The following SEM1 variants were observed in gnomAD, a reference collection of about 807,000 sequenced individuals.
The protein encoded by SEM1 is SEM1 26S proteasome subunit.
SEM1 carries 3 observed loss-of-function variants against 12.7 expected under a neutral mutation model. The ratio of observed to expected loss-of-function variants is 0.24; its 90% CI spans 0.11 to 0.61. The LOEUF is 0.61. SEM1 is among the 20% of genes least tolerant of loss of function. The pLI is 0.88. For synonymous variants in SEM1, 30 were observed against 27.8 expected, an observed-to-expected ratio of 1.08 and a Z score of -0.25; for missense variants, 59 against 81.3, an observed-to-expected ratio of 0.73 and a Z score of 1.06.
intron 1 of SEM1, 83 bp from the exon 2 acceptor site, chr7:96,694,974 A>T (rs1406416428): frequency 1.1e-6 from 1 of 940,996 alleles, no homozygotes; most frequent in African/African-American, 1.6e-5. Flanking sequence ...CTTGCTACTG[A>T]ACACTCACAA....
intron 2 of SEM1, among the ~76,000 whole-genome samples, chr7:96,657,754 GCA>G (rs1379743335): frequency 6.6e-6 from 1 of 152,238 alleles, no homozygotes. Flanking sequence ...TTCTTTAGTG[GCA>G]CAGAGTGTGT....
intron 2 of SEM1, among the ~76,000 whole-genome samples, chr7:96,616,540 C>T (rs1475756114): frequency 6.6e-6 from 1 of 152,016 alleles, no homozygotes; most frequent in Non-Finnish European, 1.5e-5. Flanking sequence ...TGTGAAGAAG[C>T]TTTTTAGTTT....
intron 2 of SEM1, among the ~76,000 whole-genome samples, chr7:96,657,892 C>T (rs1303848536): frequency 2.0e-5 from 3 of 152,042 alleles, no homozygotes; most frequent in African/African-American, 4.8e-5. Flanking sequence ...TGGGGAGGCC[C>T]GAGGAGCCAC....
intron 2 of SEM1, among the ~76,000 whole-genome samples, chr7:96,536,052 G>A (rs758210051): frequency 6.6e-6 from 1 of 151,768 alleles, no homozygotes; most frequent in Non-Finnish European, 1.5e-5. Flanking sequence ...TTCCACAATG[G>A]TTGAAATAAT....
chr7:96,520,087 T>C (rs1028085492), intron 2 of SEM1, among the ~76,000 whole-genome samples: 1 of 152,108 alleles, frequency 6.6e-6, no homozygotes, highest in Non-Finnish European at 1.5e-5. Context: ...ACAAGAAAGA[T>C]GTTATAATCA....
chr7:96,536,817 G>A (rs1288823990), intron 2 of SEM1, among the ~76,000 whole-genome samples: 1 of 151,622 alleles, frequency 6.6e-6, no homozygotes, highest in Non-Finnish European at 1.5e-5. Flanking sequence ...TATATTTAAA[G>A]TGTATTTCTC....
downstream of SEM1, among the ~76,000 whole-genome samples, chr7:96,687,642 G>T: frequency 6.6e-6 from 1 of 151,746 alleles, no homozygotes; most frequent in East Asian, 1.9e-4. Flanking sequence ...GTGGGGTGGG[G>T]AGAGGGGGGA....
chr7:96,520,138 A>G (rs769408883), intron 2 of SEM1, among the ~76,000 whole-genome samples: 2 of 152,188 alleles, frequency 1.3e-5, no homozygotes, highest in Non-Finnish European at 2.9e-5. Context: ...GATCATACAT[A>G]CATACATACA....
intron 2 of SEM1, among the ~76,000 whole-genome samples, chr7:96,589,481 C>CA (rs1219948314): frequency 6.6e-6 from 1 of 152,084 alleles, no homozygotes; most frequent in Non-Finnish European, 1.5e-5. Context: ...CAGGATGAAC[C>CA]ATTTTCAAAG....
At chr7:96,614,940 C>A (rs1807663995) in intron 2 of SEM1, among the ~76,000 whole-genome samples, 1 of 152,132 alleles carries the variant, frequency 6.6e-6, no homozygotes, top group South Asian at 2.1e-4. Flanking sequence ...TTCTTATGAG[C>A]CTCTATCAAT....
chr7:96,612,535 A>T (rs918508517), intron 2 of SEM1, among the ~76,000 whole-genome samples: 1 of 152,214 alleles, frequency 6.6e-6, no homozygotes, highest in African/African-American at 2.4e-5. Flanking sequence ...GTAATTAAAA[A>T]ATTGCAAACC....
intron 2 of SEM1, among the ~76,000 whole-genome samples, chr7:96,528,690 A>G (rs1804544675): frequency 1.3e-5 from 2 of 152,132 alleles, no homozygotes; most frequent in Non-Finnish European, 2.9e-5. Context: ...CAGCATTCAT[A>G]TCACCTGGGA....
intron 1 of SEM1, among the ~76,000 whole-genome samples, chr7:96,491,348 C>G (rs1201238809): frequency 1.3e-5 from 2 of 152,156 alleles, no homozygotes; most frequent in Admixed American, 6.6e-5. Context: ...CTTTCTTAAC[C>G]AGAGGCAGTG....
chr7:96,533,636 T>C (rs1804705537), intron 2 of SEM1, among the ~76,000 whole-genome samples: 1 of 152,062 alleles, frequency 6.6e-6, no homozygotes, highest in Non-Finnish European at 1.5e-5. Flanking sequence ...AAGCCTTTGT[T>C]ATTCCCTCCT....
intron 2 of SEM1, among the ~76,000 whole-genome samples, chr7:96,663,920 T>C (rs1789086280): frequency 6.6e-6 from 1 of 152,094 alleles, no homozygotes; most frequent in Non-Finnish European, 1.5e-5. Flanking sequence ...AGTAACAAGA[T>C]AAAAATTAAA....
chr7:96,571,734 G>T (rs1338761462), intron 2 of SEM1, among the ~76,000 whole-genome samples: 2 of 151,938 alleles, frequency 1.3e-5, no homozygotes, highest in African/African-American at 2.4e-5. Flanking sequence ...ATGTTCATCA[G>T]GTATATTGGC....
intron 2 of SEM1, among the ~76,000 whole-genome samples, chr7:96,553,679 C>T (rs1287488574): frequency 1.3e-5 from 2 of 152,074 alleles, no homozygotes; most frequent in Admixed American, 1.3e-4. Flanking sequence ...GTGATGCAGG[C>T]TCTTTTTTGG....
chr7:96,545,831 G>T (rs1805087882), intron 2 of SEM1, among the ~76,000 whole-genome samples: 2 of 152,114 alleles, frequency 1.3e-5, no homozygotes, highest in African/African-American at 4.8e-5. Flanking sequence ...CTGGACAATA[G>T]ATATAGCTGA....
intron 2 of SEM1, among the ~76,000 whole-genome samples, chr7:96,555,389 G>C (rs1805450512): frequency 6.6e-6 from 1 of 150,446 alleles, no homozygotes. Context: ...GGTATGTTGT[G>C]TCTTTGTTCT....
Sources: gnomAD v4.1 joint callset for allele counts (sites outside exome capture counted in the v4.1 genomes callset) on GRCh38, gnomAD v4.1.1 for gene constraint, MANE v1.5 for transcripts, NCBI Gene and HGNC (gene_info 2026-07-23, HGNC 2026-07-21) for gene names.